SRGAP1: variants seen among roughly 807,000 people sequenced by gnomAD.
SRGAP1 encodes SLIT-ROBO Rho GTPase activating protein 1.
SRGAP1 carries 43 observed loss-of-function variants against 121.9 expected under a neutral mutation model. That is an observed-to-expected ratio of 0.35 (90% CI 0.28 to 0.46). The LOEUF (loss-of-function observed/expected upper bound fraction) is 0.46, where lower values mean the gene tolerates loss of function less well. Ranked by LOEUF, SRGAP1 falls within the 20% of genes least tolerant of loss-of-function variation. The probability of loss-of-function intolerance (pLI) is 1.00; values close to 1 mark genes in which losing one functional copy is unlikely to be tolerated. For missense variants in SRGAP1, 1,102 were observed against 1,350.9 expected (o/e 0.82, Z 2.89); for synonymous variants, 447 against 485.4 (o/e 0.92, Z 1.04).
intron 1 of SRGAP1, among the ~76,000 whole-genome samples, chr12:63,903,724 T>G (rs1189008607): frequency 6.6e-6 from 1 of 152,076 alleles, no homozygotes; most frequent in African/African-American, 2.4e-5. Context: ...AGCCTCCGCC[T>G]CTCAGGTTCA....
In SRGAP1 at chr12:64,062,365, T is replaced by C. The variant is rs140111976; in HGVS notation, c.802-552T>C. On this transcript the variant is annotated intron_variant, in intron 6 of 21. Transcript: ENST00000355086. The stretch of plus-strand genomic sequence containing the variant: ...TTGAAGACATGTCTATTCAGATTCA[T>C]TGCCCATTTTAAAATTAGACTTTGT... Among the ~76,000 whole-genome samples the C allele has an allele frequency of 2.3e-3, 348 of 152,338 alleles. 4 individuals are homozygous for C. Among genetic ancestry groups the C allele is most frequent in the Admixed American group, 9.0e-3 (138 of 15,296 alleles).
At chr12:64,140,173 T>C (rs1024132785) in intron 21 of SRGAP1, among the ~76,000 whole-genome samples, 4 of 141,764 alleles carry the variant, frequency 2.8e-5, no homozygotes, top group South Asian at 2.4e-4. Flanking sequence ...AGTCAGGTAG[T>C]GTGATGCCTC....
intron 1 of SRGAP1, among the ~76,000 whole-genome samples, chr12:63,861,598 C>A (rs961330661): frequency 3.3e-5 from 5 of 152,110 alleles, no homozygotes; most frequent in Admixed American, 1.3e-4. Context: ...TGCACCCAGC[C>A]AGGCATAAAT....
At chr12:63,999,629 G>A (rs780086547) in intron 3 of SRGAP1, among the ~76,000 whole-genome samples, 10 of 152,144 alleles carry the variant, frequency 6.6e-5, no homozygotes, top group South Asian at 4.2e-4. Flanking sequence ...GGTGATAGGC[G>A]TCATATGAGA....
intron 1 of SRGAP1, among the ~76,000 whole-genome samples, chr12:63,967,459 C>CA (rs1054884397): frequency 2.4e-4 from 36 of 152,084 alleles, no homozygotes; most frequent in African/African-American, 8.2e-4. Flanking sequence ...GCTTAACTAG[C>CA]AAAAAAAGAG....
intron 1 of SRGAP1, among the ~76,000 whole-genome samples, chr12:63,937,810 G>A (rs574479289): frequency 5.9e-5 from 9 of 152,288 alleles, no homozygotes; most frequent in South Asian, 2.1e-4. Flanking sequence ...AAGCCACAGC[G>A]CTTTCTTATT....
In SRGAP1 at chr12:63,919,637, G is replaced by A. The variant is rs918653537; in HGVS notation, c.68-64310G>A. ...CCTGCCAATTCTGTCGCACTTATCT[G>A]TGCTCTGCCCCATCCCATATACCTG... On this transcript the variant is annotated intron_variant, in intron 1 of 21. Transcript: ENST00000355086. 5.3e-5 allele frequency among the ~76,000 whole-genome samples: 8 copies of A among 151,950 alleles called. No individual in the cohort carries two copies. The South Asian group carries it at 6.3e-4, about 12-fold the overall frequency.
At chr12:64,049,250 G>A (rs2035191566) in intron 6 of SRGAP1, among the ~76,000 whole-genome samples, 1 of 152,106 alleles carries the variant, frequency 6.6e-6, no homozygotes, top group African/African-American at 2.4e-5. Context: ...AACATTTATT[G>A]AAGAGACCTT....
chr12:63,973,124 G>A (rs757990426), intron 1 of SRGAP1, among the ~76,000 whole-genome samples: 1 of 152,080 alleles, frequency 6.6e-6, no homozygotes, highest in Non-Finnish European at 1.5e-5. Flanking sequence ...TTCCAGCCTG[G>A]GTGACAGAGT....
chr12:63,948,825 C>CATAT (rs56959320), intron 1 of SRGAP1, among the ~76,000 whole-genome samples: 1 of 110,886 alleles, frequency 9.0e-6, no homozygotes, highest in Non-Finnish European at 1.9e-5. Context: ...ATATGTTTTC[C>CATAT]ATATATATAT....
At chr12:64,096,242 C>A (rs2036152620) in intron 14 of SRGAP1, among the ~76,000 whole-genome samples, 1 of 151,844 alleles carries the variant, frequency 6.6e-6, no homozygotes, top group African/African-American at 2.4e-5. Flanking sequence ...TCACAGTGGG[C>A]AAAAATAATA....
chr12:64,038,497 T>G (rs757471104), intron 4 of SRGAP1: 1 of 152,202 alleles, frequency 6.6e-6, no homozygotes, highest in African/African-American at 2.4e-5. Context: ...AACTATATCA[T>G]TAATCTATTG....
chr12:63,898,542 T>C (rs2136303677), intron 1 of SRGAP1, among the ~76,000 whole-genome samples: 1 of 152,326 alleles, frequency 6.6e-6, no homozygotes, highest in Non-Finnish European at 1.5e-5. Flanking sequence ...TTTAAATCAT[T>C]CCAGGTTTTA....
At chr12:64,104,518 C>T (rs373833023) in intron 15 of SRGAP1, among the ~76,000 whole-genome samples, 30 of 152,332 alleles carry the variant, frequency 2.0e-4, no homozygotes, top group African/African-American at 6.7e-4. Context: ...TAGGAACACA[C>T]ATTCATCAGG....
intron 4 of SRGAP1, among the ~76,000 whole-genome samples, chr12:64,033,695 G>A (rs1271075596): frequency 6.6e-6 from 1 of 151,848 alleles, no homozygotes; most frequent in African/African-American, 2.4e-5. Flanking sequence ...TTCAGCTTGG[G>A]TTACAGAGCG....
chr12:64,135,863 A>T (rs932918777), intron 21 of SRGAP1, among the ~76,000 whole-genome samples: 1 of 152,220 alleles, frequency 6.6e-6, no homozygotes, highest in African/African-American at 2.4e-5. Flanking sequence ...TGAGTTTATT[A>T]TTAACTCACA....
At chr12:64,093,146 A>G (rs1046097926) in intron 12 of SRGAP1, among the ~76,000 whole-genome samples, 1 of 152,100 alleles carries the variant, frequency 6.6e-6, no homozygotes, top group Non-Finnish European at 1.5e-5. Context: ...TCTTGGGAAA[A>G]CCGACACCAA....
chr12:63,956,439 G>A (rs2032471969), intron 1 of SRGAP1, among the ~76,000 whole-genome samples: 1 of 152,134 alleles, frequency 6.6e-6, no homozygotes, highest in South Asian at 2.1e-4. Context: ...TTTCAAAGTT[G>A]CAGATGCATA....
intron 1 of SRGAP1, among the ~76,000 whole-genome samples, chr12:63,891,396 T>C (rs1267636091): frequency 1.3e-5 from 2 of 152,204 alleles, no homozygotes; most frequent in Non-Finnish European, 2.9e-5. Context: ...CATTCATTAG[T>C]TCAGCCATTT....
Sources: gnomAD v4.1 joint callset for allele counts (sites outside exome capture counted in the v4.1 genomes callset) on GRCh38, gnomAD v4.1.1 for gene constraint, MANE v1.5 for transcripts, NCBI Gene and HGNC (gene_info 2026-07-23, HGNC 2026-07-21) for gene names.